Variants in C3orf20 observed in about 807,000 individuals in gnomAD.
The protein encoded by C3orf20 is uncharacterized protein C3orf20.
Under a neutral mutation model 88.3 loss-of-function variants are expected in C3orf20, and 76 were observed. That is an observed-to-expected ratio of 0.86 (90% CI 0.72 to 1.04). The LOEUF (loss-of-function observed/expected upper bound fraction) is 1.04, where lower values mean the gene tolerates loss of function less well. C3orf20 is among the 50% of genes least tolerant of loss of function. C3orf20 has a pLI of 0.00. For missense variants in C3orf20, 1,056 were observed against 1,123.3 expected, an observed-to-expected ratio of 0.94 and a Z score of 0.86; for synonymous variants, 436 against 437.4, an observed-to-expected ratio of 1.00 and a Z score of 0.04.
At chr3:14,681,632 A>G (rs1254011619) in intron 1 of C3orf20, among the ~76,000 whole-genome samples, 2 of 152,244 alleles carry the variant, frequency 1.3e-5, no homozygotes, top group East Asian at 3.8e-4. Context: ...TCACACTCTC[A>G]TAAAGTCCCT....
At position 14,724,352 on chromosome 3, in the gene C3orf20, C is replaced by T. The variant is rs970895715; in HGVS notation, c.1567-2549C>T. 3.3e-5 allele frequency among the ~76,000 whole-genome samples: 5 copies of T among 152,302 alleles called. No individual in the cohort carries two copies. The East Asian group carries it at 9.6e-4, about 29-fold the overall frequency. On this transcript the variant is annotated intron_variant, in intron 10 of 16. Transcript: ENST00000253697. ...TGGAATGCAGCTGAGAACCAAGATACAAGCAATTCAAGACCCCCATGAGCA... is the reference window on the plus strand; with the variant it reads ...TGGAATGCAGCTGAGAACCAAGATATAAGCAATTCAAGACCCCCATGAGCA...
intron 12 of C3orf20, among the ~76,000 whole-genome samples, chr3:14,743,724 T>G (rs1286162543): frequency 2.6e-5 from 4 of 152,160 alleles, no homozygotes; most frequent in Non-Finnish European, 4.4e-5. Context: ...ACCTCAATTC[T>G]TCACTTCTGT....
rs577294138 is a variant in C3orf20, at chr3:14,684,092, A to G, written c.485-150A>G. 8.8e-6 allele frequency: 9 copies of G among 1,017,098 alleles called. No individual in the cohort carries two copies. The East Asian group carries it at 2.0e-4, about 22-fold the overall frequency. The allele number at this position is 1,017,098 out of a possible 1,614,324, so 63.0% of individuals were successfully genotyped here. A position where few individuals can be genotyped will look rare whatever the true frequency, so the allele number is the denominator to read the frequency against. On this transcript the variant is annotated intron_variant, in intron 3 of 16. Transcript: ENST00000253697. ...ATCTGAAGGGTCCTCAGAGCTTGAG[A>G]GCCTTTCACAGTAGCCCCCTCACCC...
chr3:14,739,104 A>G (rs1024082617), intron 12 of C3orf20, among the ~76,000 whole-genome samples: 2 of 152,088 alleles, frequency 1.3e-5, no homozygotes, highest in East Asian at 3.9e-4. Flanking sequence ...AAATATTCTT[A>G]ATGACATCAA....
intron 5 of C3orf20, among the ~76,000 whole-genome samples, chr3:14,697,160 T>G (rs1196348281): frequency 6.6e-6 from 1 of 152,338 alleles, no homozygotes; most frequent in African/African-American, 2.4e-5. Context: ...TAGTCTTCTT[T>G]GGGTTAAATC....
At chr3:14,753,647 A>G (rs2035281151) in intron 12 of C3orf20, among the ~76,000 whole-genome samples, 2 of 152,002 alleles carry the variant, frequency 1.3e-5, no homozygotes, top group South Asian at 4.2e-4. Context: ...TTGTTGTTGA[A>G]AACTGAACAT....
At position 14,722,027 on chromosome 3, in the gene C3orf20, A is replaced by G. The variant is rs542080936; in HGVS notation, c.1566+243A>G. 6.4e-6 allele frequency: 3 copies of G among 466,628 alleles called. No individual in the cohort carries two copies. The East Asian group carries it at 1.1e-4, about 17-fold the overall frequency. 28.9% of individuals were successfully genotyped at this position (466,628 alleles called of 1,614,324 possible). On this transcript the variant is annotated intron_variant, in intron 10 of 16. Transcript: ENST00000253697. ...CAGTGTGGACTAGCTTAAGCATGAA[A>G]AAAGAATATAGTGGCTCAATAAACT... is the stretch of plus-strand genomic sequence containing the variant.
At chr3:14,715,226 T>G in intron 8 of C3orf20, 63 bp from the exon 9 acceptor site, 1 of 1,581,152 alleles carries the variant, frequency 6.3e-7, no homozygotes, top group South Asian at 1.2e-5. Context: ...GCCCATAACC[T>G]GCGGTGATGA....
In C3orf20 at chr3:14,772,563, A is replaced by G. The variant is rs931437573; in HGVS notation, c.2631-228A>G. Among the ~76,000 whole-genome samples, 8 of 152,234 alleles carry G rather than the reference A, an allele frequency of 5.3e-5. No individual in the cohort carries two copies. Among genetic ancestry groups the G allele is most frequent in the Non-Finnish European group, 5.9e-5 (4 of 68,030 alleles). ...CTGGTAACCATGAAATGAATCACAC[A>G]TTCGGCATGGCGTGGAAATCACATA... On this transcript the variant is annotated intron_variant, in intron 16 of 16. Coordinates refer to ENST00000253697, the MANE Select transcript of C3orf20 (RefSeq NM_032137.5). This position sits in a 1 kb window ranked among gnomAD's most constrained non-coding sequence, Gnocchi z 4.2.
chr3:14,761,524 G>T lies in C3orf20; in HGVS notation c.2404G>T (p.Gly802Cys). ...IFGGRVLNGY[G>C]LSKQNLLKQI... is the part of the protein sequence containing the mutation. ...TGGGGGCCGTGTTTTGAATGGATAT[G>T]GCCTCAGCAAGCAGAATCTGCTGAA... Residue 802 changes from glycine to cysteine, a missense_variant, in exon 15 of 17, where the codon GGC becomes TGC. Physicochemically the swap from Gly to Cys is radical, Grantham distance 159. Transcript: ENST00000253697. 6.2e-7 allele frequency: 1 copy of T among 1,614,024 alleles called. No individual in the cohort carries two copies. Among genetic ancestry groups the T allele is most frequent in the Non-Finnish European group, 8.5e-7 (1 of 1,179,980 alleles).
chr3:14,730,865 A>G (rs1015911743), intron 12 of C3orf20, among the ~76,000 whole-genome samples: 12 of 152,308 alleles, frequency 7.9e-5, no homozygotes, highest in African/African-American at 2.4e-4. Flanking sequence ...GTGTTGTCTT[A>G]GTGACAAAGT....
At chr3:14,682,556 T>C in intron 2 of C3orf20, 22 bp from the exon 3 acceptor site, 1 of 1,014,952 alleles carries the variant, frequency 9.9e-7, no homozygotes, top group Admixed American at 2.4e-5. Context: ...TGACTAACTC[T>C]TTTCTTGTCC....
intron 7 of C3orf20, among the ~76,000 whole-genome samples, chr3:14,707,671 C>G (rs2033572099): frequency 6.6e-6 from 1 of 152,090 alleles, no homozygotes; most frequent in African/African-American, 2.4e-5. Context: ...TTTTCACTCT[C>G]TCAGTAGCAT....
chr3:14,730,138 G>C (rs1455084278), intron 12 of C3orf20, among the ~76,000 whole-genome samples: 1 of 152,192 alleles, frequency 6.6e-6, no homozygotes, highest in Non-Finnish European at 1.5e-5. Flanking sequence ...GATTAAAATA[G>C]ATCTCTTTGG....
Position 14,689,991 on chromosome 3 carries a change from C to A in C3orf20, c.626-6C>A, listed in dbSNP as rs1418371882. ...GAAAGAAGAATCTCTCTCTCTCCCA[C>A]TCCAGAGTCCCTCGCAAACATGTCC... On this transcript the variant is annotated splice_polypyrimidine_tract_variant and splice_region_variant and intron_variant, in intron 4 of 16. Transcript: ENST00000253697. 3 of 1,614,118 alleles carry A rather than the reference C, an allele frequency of 1.9e-6. No homozygotes were observed. In the African/African-American group the frequency reaches 4.0e-5, roughly 22 times the overall value.
At chr3:14,679,158 C>CTTTTTGTTTTTG (rs374242501) in intron 1 of C3orf20, among the ~76,000 whole-genome samples, 5 of 152,122 alleles carry the variant, frequency 3.3e-5, no homozygotes, top group African/African-American at 9.7e-5. Context: ...CAGTTCTTTC[C>CTTTTTGTTTTTG]TTTTTGTTTT....
chr3:14,744,584 C>T (rs1375604863), intron 12 of C3orf20, among the ~76,000 whole-genome samples: 3 of 151,936 alleles, frequency 2.0e-5, no homozygotes, highest in Non-Finnish European at 4.4e-5. Context: ...AGTTCGTTTT[C>T]ACACTGCTGA....
chr3:14,684,424 A>C (rs1324289915), intron 4 of C3orf20, 42 bp downstream of exon 4: 13 of 1,596,542 alleles, frequency 8.1e-6, no homozygotes, highest in Non-Finnish European at 1.1e-5. Context: ...AAGTGCAAAC[A>C]ATATCAGCAG....
chr3:14,749,848 G>A (rs1354662606), intron 12 of C3orf20, among the ~76,000 whole-genome samples: 1 of 151,844 alleles, frequency 6.6e-6, no homozygotes, highest in African/African-American at 2.4e-5. Flanking sequence ...AGCTTTAGTA[G>A]CATACAAAGT....
Sources: allele counts gnomAD v4.1 joint callset (sites outside exome capture counted in the v4.1 genomes callset), GRCh38; gene constraint gnomAD v4.1.1; non-coding constraint Gnocchi (gnomAD v3.1); transcripts MANE v1.5; gene names NCBI Gene and HGNC (gene_info 2026-07-23, HGNC 2026-07-21).